The following MED17 variants were observed in gnomAD, a reference collection of about 807,000 sequenced individuals.
MED17 encodes the protein mediator of RNA polymerase II transcription subunit 17.
A neutral mutation model predicts 80.8 loss-of-function variants in MED17; 49 were observed. The ratio of observed to expected loss-of-function variants is 0.61; its 90% CI spans 0.48 to 0.77. The LOEUF is 0.77. Ranked by LOEUF, MED17 falls within the 30% of genes least tolerant of loss-of-function variation. The pLI, the probability that MED17 is intolerant of heterozygous loss-of-function variation, is 0.00. For synonymous variants in MED17, 281 were observed against 280.4 expected (o/e 1.00, Z -0.02); for missense variants, 718 against 787.0 (o/e 0.91, Z 1.05).
At chr11:93,790,341 A>G (rs1181646907) in intron 2 of MED17, 1 of 581,312 alleles carries the variant, frequency 1.7e-6, no homozygotes, top group Non-Finnish European at 3.2e-6. Context: ...AGTTGATGCA[A>G]TGGTAAGTTC....
At chr11:93,786,868 G>A (rs2135708628) in intron 1 of MED17, among the ~76,000 whole-genome samples, 1 of 152,256 alleles carries the variant, frequency 6.6e-6, no homozygotes, top group Admixed American at 6.5e-5. Flanking sequence ...TATTCAAGAT[G>A]TTTACCACTG....
At chr11:93,788,228 T>G (rs1359215290) in intron 2 of MED17, 61 bp downstream of exon 2, 2 of 1,464,058 alleles carry the variant, frequency 1.4e-6, no homozygotes, top group South Asian at 2.4e-5. Context: ...GACCCTTTTT[T>G]GGCTTTGTGC....
intron 3 of MED17, among the ~76,000 whole-genome samples, chr11:93,791,681 G>A (rs1262417365): frequency 6.6e-6 from 1 of 151,860 alleles, no homozygotes; most frequent in African/African-American, 2.4e-5. Flanking sequence ...ATTCCAGCCT[G>A]ACCTTGTCTC....
At chr11:93,805,784 A>G (rs1326976128) in intron 9 of MED17, among the ~76,000 whole-genome samples, 2 of 152,094 alleles carry the variant, frequency 1.3e-5, no homozygotes, top group African/African-American at 2.4e-5. Context: ...TGAGAAAACA[A>G]TGTAAACTTT....
intron 3 of MED17, 54 bp from the exon 4 acceptor site, chr11:93,793,674 G>T (rs1943867501): frequency 1.6e-6 from 2 of 1,275,966 alleles, no homozygotes; most frequent in Non-Finnish European, 2.3e-6. Context: ...AATAATGTGT[G>T]TCGGAATAAT....
intron 11 of MED17, 87 bp from the exon 12 acceptor site, chr11:93,811,766 C>A: frequency 3.3e-6 from 4 of 1,227,662 alleles, no homozygotes; most frequent in South Asian, 1.3e-5. Context: ...TTTTTGTATT[C>A]ACAGTAGAAT....
At position 93,793,754 on chromosome 11, in the gene MED17, T is replaced by C. The variant is rs766697380; in HGVS notation, c.664T>C (p.Phe222Leu). The C allele has an allele frequency of 6.3e-7, 1 of 1,584,166 alleles. No homozygotes were observed. The highest frequency in any genetic ancestry group is 8.7e-7 in the Non-Finnish European group (1 of 1,154,116). Residue 222 changes from phenylalanine (F) to leucine (L), a missense_variant, in exon 4 of 12, where the codon TTT becomes CTT. By Grantham distance (22) the Phe-to-Leu change is conservative. Coordinates refer to ENST00000251871, the MANE Select transcript of MED17 (RefSeq NM_004268.5). ...AGSLFPHHGT[F>L]EVIKNTDLDL... The stretch of plus-strand genomic sequence containing the variant: ...ATCTCTCTTTCCTCATCATGGTACA[T>C]TTGAAGTAATAAAGAATACAGATCT...
chr11:93,784,364 T>G lies in MED17; in HGVS notation c.-150T>G. 1 of 1,010,422 alleles carries G rather than the reference T, an allele frequency of 9.9e-7. No individual in the cohort carries two copies. Among genetic ancestry groups the G allele is most frequent in the Non-Finnish European group, 1.4e-6 (1 of 713,438 alleles). The allele number at this position is 1,010,422 out of a possible 1,614,324, so 62.6% of individuals were successfully genotyped here. A position where few individuals can be genotyped will look rare whatever the true frequency, so the allele number is the denominator to read the frequency against. On this transcript the variant is annotated 5_prime_UTR_variant, in exon 1 of 12. Transcript: ENST00000251871. ...GCTGGGCCAGCTCCTTTGTTTCCAG[T>G]CTGAGCGTTGCGTTCGGTTTCCCGA... is the stretch of plus-strand genomic sequence containing the variant.
chr11:93,814,557 T>C lies in MED17; in HGVS notation c.*2493T>C, dbSNP rs1944115306. On this transcript the variant is annotated 3_prime_UTR_variant, in exon 12 of 12. Coordinates refer to ENST00000251871, the MANE Select transcript of MED17 (RefSeq NM_004268.5). The stretch of plus-strand genomic sequence containing the variant: ...TTGTTTCCTTATATATAAATGAAGA[T>C]AGAGGTGCCTCCTCTACTAACCTCA... The C allele has an allele frequency of 6.6e-6, 1 of 152,162 alleles. No homozygotes were observed. Among genetic ancestry groups the C allele is most frequent in the Non-Finnish European group, 1.5e-5 (1 of 68,028 alleles). The allele number at this position is 152,162 out of a possible 1,614,324, so 9.4% of individuals were successfully genotyped here.
intron 9 of MED17, among the ~76,000 whole-genome samples, chr11:93,803,382 T>C (rs1415587118): frequency 1.3e-5 from 2 of 152,136 alleles, no homozygotes; most frequent in Non-Finnish European, 2.9e-5. Context: ...ATGCAGAGTA[T>C]GAAAGAATAC....
intron 10 of MED17, chr11:93,807,844 A>G (rs1438223517): frequency 3.5e-6 from 2 of 577,790 alleles, no homozygotes; most frequent in East Asian, 3.1e-5. Context: ...AGGTTTTCAC[A>G]TAGTTTATGT....
At chr11:93,810,254 C>G (rs890074698) in intron 11 of MED17, 1 of 195,960 alleles carries the variant, frequency 5.1e-6, no homozygotes, top group Admixed American at 5.4e-5. Flanking sequence ...AGAGGAATAT[C>G]TAATGCAAGG....
intron 9 of MED17, among the ~76,000 whole-genome samples, chr11:93,802,305 G>T (rs573163259): frequency 5.9e-5 from 9 of 152,162 alleles, no homozygotes; most frequent in Non-Finnish European, 8.8e-5. Flanking sequence ...TGTCTATGTT[G>T]CCCATGCTGG....
chr11:93,812,125 C>A lies in MED17; in HGVS notation c.*61C>A. The A allele has an allele frequency of 7.4e-7, 1 of 1,344,692 alleles. No individual in the cohort carries two copies. The highest frequency in any genetic ancestry group is 1.2e-5 in the South Asian group (1 of 85,476). 83.3% of individuals were successfully genotyped at this position (1,344,692 alleles called of 1,614,324 possible). On this transcript the variant is annotated 3_prime_UTR_variant, in exon 12 of 12. Coordinates refer to ENST00000251871, the MANE Select transcript of MED17 (RefSeq NM_004268.5). The stretch of plus-strand genomic sequence containing the variant: ...ACTTTGACTTGAAATGTTTGCAGAT[C>A]AACTATAAGCACAAAGAAGAGATAA...
Position 93,807,640 on chromosome 11 carries a change from C to T in MED17, c.1584+5C>T, listed in dbSNP as rs781615269. On this transcript the variant is annotated splice_donor_5th_base_variant and intron_variant, in intron 10 of 11. Coordinates refer to ENST00000251871, the MANE Select transcript of MED17 (RefSeq NM_004268.5). Reference sequence around the variant, plus strand: ...CAGGATTTTCTTCTGTCTCAGGTAACAGTTGCAGATTTTGTCTTAAGCCCC... The same window carrying T: ...CAGGATTTTCTTCTGTCTCAGGTAATAGTTGCAGATTTTGTCTTAAGCCCC... 4.5e-6 allele frequency: 7 copies of T among 1,538,576 alleles called. No individual in the cohort carries two copies. In the Middle Eastern group the frequency reaches 8.5e-4, roughly 186 times the overall value.
At chr11:93,809,054 G>A (rs1944059355) in intron 10 of MED17, 2 of 157,420 alleles carry the variant, frequency 1.3e-5, no homozygotes, top group Non-Finnish European at 2.8e-5. Flanking sequence ...GGGATAGTGT[G>A]GTAACCTGCT....
rs767106792 is a variant in MED17 at position 93,811,893 on chromosome 11, G to T, written c.1785G>T (p.Gln595His). The T allele has an allele frequency of 2.5e-6, 4 of 1,613,942 alleles. No individual in the cohort carries two copies. The African/African-American group carries it at 4.0e-5, about 16-fold the overall frequency. The change falls in exon 12 of 12, where the codon CAG becomes CAT. Residue 595 changes from glutamine to histidine, a missense_variant. Physicochemically the swap from Gln to His is conservative, Grantham distance 24. Coordinates refer to ENST00000251871, the MANE Select transcript of MED17 (RefSeq NM_004268.5). ...AAAGTGGCAGCAAGATTATGGTTCA[G>T]TTTCCTCGTAACCAATGTAAAGACC... ...GPESGSKIMV[Q>H]FPRNQCKDLP...
rs963879857 is a variant in MED17, at chr11:93,807,774, T to G, written c.1584+139T>G. On this transcript the variant is annotated intron_variant, in intron 10 of 11. Transcript: ENST00000251871. ...TTTCCAGTAGAAATTAAATTCTGTT[T>G]AATTTCTAATGCACATTTTACAACC... The G allele has an allele frequency of 2.5e-5, 18 of 720,884 alleles. No individual in the cohort carries two copies. In the African/African-American group the frequency reaches 3.2e-4, roughly 13 times the overall value. 44.7% of individuals were successfully genotyped at this position (720,884 alleles called of 1,614,324 possible). A position where few individuals can be genotyped will look rare whatever the true frequency, so the allele number is the denominator to read the frequency against.
intron 10 of MED17, chr11:93,808,069 G>A (rs1944044477): frequency 4.5e-6 from 1 of 224,210 alleles, no homozygotes; most frequent in Non-Finnish European, 8.9e-6. Context: ...AGTATAGAAA[G>A]TGATGGGTTT....
Sources: allele counts gnomAD v4.1 joint callset (sites outside exome capture counted in the v4.1 genomes callset), GRCh38; gene constraint gnomAD v4.1.1; transcripts MANE v1.5; gene names NCBI Gene and HGNC (gene_info 2026-07-23, HGNC 2026-07-21).